The following COMMD10 variants were observed in gnomAD, a reference collection of about 807,000 sequenced individuals.
The protein encoded by COMMD10 is COMM domain containing 10.
A neutral mutation model predicts 28.9 loss-of-function variants in COMMD10; 33 were observed. The ratio of observed to expected loss-of-function variants is 1.14; its 90% CI spans 0.87 to 1.53. The LOEUF is 1.53. COMMD10 is among the 40% of genes most tolerant of loss of function. The pLI is 0.00. For synonymous variants in COMMD10, 110 were observed against 81.7 expected, an observed-to-expected ratio of 1.35 and a Z score of -1.87; for missense variants, 310 against 233.4, an observed-to-expected ratio of 1.33 and a Z score of -2.14.
intron 5 of COMMD10, among the ~76,000 whole-genome samples, chr5:116,143,070 T>TG (rs1280391921): frequency 3.3e-4 from 5 of 15,288 alleles, no homozygotes; most frequent in Non-Finnish European, 7.4e-4. Flanking sequence ...GTGTTTTTGG[T>TG]TTTTTTTTTT....
chr5:116,239,330 A>G (rs1189526827), intron 5 of COMMD10, among the ~76,000 whole-genome samples: 3 of 152,204 alleles, frequency 2.0e-5, no homozygotes, highest in Non-Finnish European at 2.9e-5. Context: ...AAGCCTCATC[A>G]TAGACTTACT....
In COMMD10 at chr5:116,145,389, G is replaced by T. The variant is rs192532263; in HGVS notation, c.510+11211G>T. ...TAGGTGGATAATTGGGTTTAATCAT[G>T]CTTTTATCTTTGCCGGGTGTTGTCA... On this transcript the variant is annotated intron_variant, in intron 5 of 6. Transcript: ENST00000274458. Among the ~76,000 whole-genome samples the T allele has an allele frequency of 1.1e-3, 161 of 151,844 alleles. No individual in the cohort carries two copies. The East Asian group carries it at 0.012, about 12-fold the overall frequency.
At chr5:116,208,512 C>G (rs1469218938) in intron 5 of COMMD10, among the ~76,000 whole-genome samples, 1 of 152,124 alleles carries the variant, frequency 6.6e-6, no homozygotes, top group Admixed American at 6.6e-5. Flanking sequence ...TGAATTCTGA[C>G]TCTTTGGGAT....
At chr5:116,148,100 A>G (rs937151915) in intron 5 of COMMD10, among the ~76,000 whole-genome samples, 2 of 151,860 alleles carry the variant, frequency 1.3e-5, no homozygotes, top group African/African-American at 4.8e-5. Flanking sequence ...TTAAAGCCAT[A>G]TTTAAAATAC....
intron 5 of COMMD10, among the ~76,000 whole-genome samples, chr5:116,189,203 G>A (rs1014484558): frequency 3.9e-5 from 6 of 152,242 alleles, no homozygotes; most frequent in African/African-American, 1.4e-4. Context: ...CAACTAGTTG[G>A]AAATCGCTGC....
At chr5:116,085,384 G>C (rs1239718161) in intron 1 of COMMD10, 2 of 420,802 alleles carry the variant, frequency 4.8e-6, no homozygotes, top group Admixed American at 4.4e-5. Context: ...ACTGTTCGCG[G>C]AGTTTGGTAT....
chr5:116,172,879 A>T (rs932216140), intron 5 of COMMD10, among the ~76,000 whole-genome samples: 3 of 152,144 alleles, frequency 2.0e-5, no homozygotes, highest in Non-Finnish European at 4.4e-5. Flanking sequence ...TCTTGCAAAA[A>T]TTTGACTAAT....
chr5:116,247,562 A>G (rs1014401164), intron 5 of COMMD10, among the ~76,000 whole-genome samples: 3 of 152,154 alleles, frequency 2.0e-5, no homozygotes, highest in African/African-American at 7.2e-5. Context: ...AAGACAGGGA[A>G]TCAAGCTAAA....
At chr5:116,218,648 T>G (rs747262930) in intron 5 of COMMD10, among the ~76,000 whole-genome samples, 6 of 152,010 alleles carry the variant, frequency 3.9e-5, no homozygotes, top group Non-Finnish European at 7.4e-5. Context: ...TTGACACAAA[T>G]TTTCTTGGAA....
rs187612061 is a variant in COMMD10 at position 116,115,292 on chromosome 5, G to A, written c.400-18776G>A. On this transcript the variant is annotated intron_variant, in intron 4 of 6. Transcript: ENST00000274458. ...TTCTCCAGTAGGAAAGTGAACCACA[G>A]AAAGACACTCAGTTACCTTCTCCCA... Among the ~76,000 whole-genome samples the A allele has an allele frequency of 1.3e-3, 204 of 152,272 alleles. 1 individual carries two copies. The highest frequency in any genetic ancestry group is 2.4e-3 in the Non-Finnish European group (162 of 68,020).
chr5:116,189,631 C>T (rs1004718382), intron 5 of COMMD10, among the ~76,000 whole-genome samples: 1 of 152,178 alleles, frequency 6.6e-6, no homozygotes, highest in African/African-American at 2.4e-5. Context: ...TAATCCCTAG[C>T]TGTTTGGCAA....
At chr5:116,260,615 A>G (rs1750418089) in intron 5 of COMMD10, among the ~76,000 whole-genome samples, 1 of 151,868 alleles carries the variant, frequency 6.6e-6, no homozygotes, top group African/African-American at 2.4e-5. Context: ...GATTTAGTAA[A>G]AACAGAGTAT....
At chr5:116,232,602 G>A (rs1291800860) in intron 5 of COMMD10, among the ~76,000 whole-genome samples, 1 of 152,078 alleles carries the variant, frequency 6.6e-6, no homozygotes, top group Non-Finnish European at 1.5e-5. Context: ...TCTGGAGGCT[G>A]AGACAAGAGA....
At chr5:116,105,018 C>T (rs1750793057) in intron 4 of COMMD10, among the ~76,000 whole-genome samples, 1 of 152,222 alleles carries the variant, frequency 6.6e-6, no homozygotes, top group African/African-American at 2.4e-5. Flanking sequence ...TGAGAGAGGG[C>T]ATCCTTGTCT....
chr5:116,119,746 G>A (rs1751361802), intron 4 of COMMD10, among the ~76,000 whole-genome samples: 1 of 152,050 alleles, frequency 6.6e-6, no homozygotes, highest in Admixed American at 6.5e-5. Flanking sequence ...CAAGTAACTA[G>A]GACTACAGGT....
chr5:116,248,682 G>T (rs1750026800), intron 5 of COMMD10, among the ~76,000 whole-genome samples: 1 of 151,868 alleles, frequency 6.6e-6, no homozygotes, highest in Admixed American at 6.6e-5. Flanking sequence ...AGACAAAGTT[G>T]AGTTACTGTG....
chr5:116,167,299 A>C (rs1388695654), intron 5 of COMMD10, among the ~76,000 whole-genome samples: 1 of 152,046 alleles, frequency 6.6e-6, no homozygotes, highest in Non-Finnish European at 1.5e-5. Context: ...TAGAGAAAAA[A>C]GAATGAAAAG....
At chr5:116,140,229 C>CTCTGTG (rs113427747) in intron 5 of COMMD10, among the ~76,000 whole-genome samples, 1 of 122,244 alleles carries the variant, frequency 8.2e-6, no homozygotes, top group African/African-American at 4.3e-5. Flanking sequence ...ACTCATACTA[C>CTCTGTG]TATGTGTGTG....
intron 5 of COMMD10, among the ~76,000 whole-genome samples, chr5:116,231,922 AG>A (rs1484152644): frequency 6.6e-6 from 1 of 152,182 alleles, no homozygotes; most frequent in Non-Finnish European, 1.5e-5. Flanking sequence ...GAACAGTTTA[AG>A]GTATGTTTAA....
Sources: gnomAD v4.1 joint callset for allele counts (sites outside exome capture counted in the v4.1 genomes callset) on GRCh38, gnomAD v4.1.1 for gene constraint, MANE v1.5 for transcripts, NCBI Gene and HGNC (gene_info 2026-07-23, HGNC 2026-07-21) for gene names.